Variants in FYN observed in about 807,000 individuals in gnomAD.
FYN encodes the protein FYN proto-oncogene, Src family tyrosine kinase.
In FYN, 10 loss-of-function variants were observed where a neutral mutation model predicts 70.2. The ratio of observed to expected loss-of-function variants is 0.14; its 90% CI spans 0.09 to 0.24. The LOEUF is 0.24. Among genes scored for constraint, FYN ranks in the 10% least tolerant of loss-of-function variants. The probability of loss-of-function intolerance (pLI) is 1.00; values close to 1 mark genes in which losing one functional copy is unlikely to be tolerated. For missense variants in FYN, 319 were observed against 673.1 expected (o/e 0.47, Z 5.82); for synonymous variants, 236 against 248.6 (o/e 0.95, Z 0.48).
At chr6:111,793,123 G>C (rs1339467684) in intron 2 of FYN, among the ~76,000 whole-genome samples, 4 of 152,122 alleles carry the variant, frequency 2.6e-5, no homozygotes, top group Non-Finnish European at 1.5e-5. Flanking sequence ...AAAAAGCACA[G>C]CAATTTAATT....
chr6:111,819,135 G>A (rs1381870267), intron 2 of FYN, among the ~76,000 whole-genome samples: 1 of 152,078 alleles, frequency 6.6e-6, no homozygotes, highest in Non-Finnish European at 1.5e-5. Flanking sequence ...TCCCTATTTT[G>A]GTTGGGTGCA....
At chr6:111,823,031 G>T (rs569562311) in intron 2 of FYN, among the ~76,000 whole-genome samples, 1 of 152,224 alleles carries the variant, frequency 6.6e-6, no homozygotes, top group Non-Finnish European at 1.5e-5. Context: ...GCCACAGGGC[G>T]GCTAACACAC....
chr6:111,770,992 C>T (rs776252951), intron 3 of FYN, among the ~76,000 whole-genome samples: 19 of 152,186 alleles, frequency 1.2e-4, no homozygotes, highest in South Asian at 4.2e-4. Context: ...GTGCTTCAGG[C>T]GGTTAAAGTG....
intron 3 of FYN, among the ~76,000 whole-genome samples, chr6:111,776,137 G>A (rs1432854481): frequency 1.3e-5 from 2 of 152,146 alleles, no homozygotes; most frequent in Admixed American, 6.5e-5. Flanking sequence ...TATTAACAGA[G>A]AAGTTAATAG....
At chr6:111,723,851 G>A (rs754097244) in intron 3 of FYN, among the ~76,000 whole-genome samples, 38 of 152,290 alleles carry the variant, frequency 2.5e-4, no homozygotes, top group Non-Finnish European at 4.7e-4. Flanking sequence ...CTGGGGCACC[G>A]GGAAACACTG....
chr6:111,743,323 G>A (rs1202875821), intron 3 of FYN, among the ~76,000 whole-genome samples: 1 of 152,188 alleles, frequency 6.6e-6, no homozygotes, highest in Non-Finnish European at 1.5e-5. Flanking sequence ...TAACAAAAAT[G>A]TGGCTTCCTC....
intron 2 of FYN, among the ~76,000 whole-genome samples, chr6:111,838,487 A>G (rs1166793484): frequency 6.6e-6 from 1 of 152,236 alleles, no homozygotes; most frequent in Non-Finnish European, 1.5e-5. Context: ...TCAGTGACTG[A>G]ATGGCCATAC....
At chr6:111,667,693 T>C (rs1798071620) in intron 13 of FYN, among the ~76,000 whole-genome samples, 1 of 152,248 alleles carries the variant, frequency 6.6e-6, no homozygotes, top group Non-Finnish European at 1.5e-5. Context: ...CTCCATTTGT[T>C]AACAAAATAC....
At chr6:111,842,794 AT>A (rs1011918816) in intron 2 of FYN, among the ~76,000 whole-genome samples, 2 of 152,152 alleles carry the variant, frequency 1.3e-5, no homozygotes, top group African/African-American at 4.8e-5. Context: ...CAAGACAATT[AT>A]CCCCACACTA....
chr6:111,702,675 G>A (rs186501926), intron 8 of FYN: 9 of 402,762 alleles, frequency 2.2e-5, no homozygotes, highest in East Asian at 7.3e-5. Flanking sequence ...TAGAATCTTC[G>A]GACAAACATG....
At chr6:111,857,807 G>A (rs1400107560) in intron 1 of FYN, among the ~76,000 whole-genome samples, 2 of 150,602 alleles carry the variant, frequency 1.3e-5, no homozygotes, top group East Asian at 3.8e-4. Context: ...GCCGGGCTGT[G>A]TCCCTTTCGT....
At chr6:111,742,049 C>G (rs1458445752) in intron 3 of FYN, among the ~76,000 whole-genome samples, 9 of 152,182 alleles carry the variant, frequency 5.9e-5, no homozygotes, top group African/African-American at 1.2e-4. Flanking sequence ...TTTCACACCC[C>G]CTTCCAGAAG....
chr6:111,701,396 C>T lies in FYN; in HGVS notation c.698-1128G>A, dbSNP rs986282706. On this transcript the variant is annotated intron_variant, in intron 8 of 13. Transcript: ENST00000354650. The stretch of plus-strand genomic sequence containing the variant: ...CAGGGAAAGCAGATGTGCTGCTGGG[C>T]TGTAACTTGCTTTTTACTCCTTTCT... 9.8e-5 allele frequency among the ~76,000 whole-genome samples: 15 copies of T among 152,292 alleles called. No homozygotes were observed. The East Asian group carries it at 1.5e-3, about 16-fold the overall frequency.
intron 2 of FYN, among the ~76,000 whole-genome samples, chr6:111,797,711 T>TATATAC (rs1554290407): frequency 5.1e-4 from 52 of 101,260 alleles, no homozygotes; most frequent in Non-Finnish European, 1.1e-3. Flanking sequence ...TATATATATA[T>TATATAC]ACACACACAC....
intron 13 of FYN, among the ~76,000 whole-genome samples, chr6:111,671,281 C>T (rs547367396): frequency 1.2e-4 from 18 of 152,270 alleles, no homozygotes; most frequent in South Asian, 1.0e-3. Context: ...CTAACATCTC[C>T]GCCTCCCTTT....
intron 4 of FYN, among the ~76,000 whole-genome samples, chr6:111,716,654 TA>T (rs149228212): frequency 0.13 from 19,864 of 149,038 alleles, 2,523 homozygotes; most frequent in African/African-American, 0.33. Context: ...CTCTGTATAT[TA>T]AAAAAAAAAT....
At chr6:111,871,004 GTAAA>G (rs1401541605) in intron 1 of FYN, among the ~76,000 whole-genome samples, 3 of 152,110 alleles carry the variant, frequency 2.0e-5, no homozygotes, top group Non-Finnish European at 4.4e-5. Context: ...AAGTGTGTAA[GTAAA>G]TATTTAATGA....
chr6:111,823,903 C>T (rs1449838492), intron 2 of FYN, among the ~76,000 whole-genome samples: 6 of 152,106 alleles, frequency 3.9e-5, no homozygotes, highest in Non-Finnish European at 5.9e-5. Context: ...TTGTAGCTGA[C>T]GTATATTGTA....
intron 2 of FYN, among the ~76,000 whole-genome samples, chr6:111,790,528 A>C (rs1771579879): frequency 1.3e-5 from 2 of 152,034 alleles, no homozygotes; most frequent in South Asian, 4.1e-4. Context: ...GCACGTTCTC[A>C]ATGTTGCAAC....
Sources: gnomAD v4.1 joint callset for allele counts (sites outside exome capture counted in the v4.1 genomes callset) on GRCh38, gnomAD v4.1.1 for gene constraint, MANE v1.5 for transcripts, NCBI Gene and HGNC (gene_info 2026-07-23, HGNC 2026-07-21) for gene names.